ABCD3: variants seen among roughly 807,000 people sequenced by gnomAD.
ABCD3 encodes ATP-binding cassette sub-family D member 3.
Under a neutral mutation model 105.5 loss-of-function variants are expected in ABCD3, and 41 were observed. The ratio of observed to expected loss-of-function variants is 0.39; its 90% confidence interval spans 0.30 to 0.50. The LOEUF (loss-of-function observed/expected upper bound fraction) is 0.50, where lower values mean the gene tolerates loss of function less well. Ranked by LOEUF, ABCD3 falls within the 20% of genes least tolerant of loss-of-function variation. The probability of loss-of-function intolerance (pLI) is 0.84; values close to 1 mark genes in which losing one functional copy is unlikely to be tolerated. For missense variants in ABCD3, 622 were observed against 806.3 expected (o/e 0.77, Z 2.77); for synonymous variants, 258 against 269.0 (o/e 0.96, Z 0.40).
rs1570812231 is a variant in ABCD3 at position 94,491,227 on chromosome 1, A to G, written c.1366A>G (p.Ile456Val). The G allele has an allele frequency of 6.2e-7, 1 of 1,612,074 alleles. No individual in the cohort carries two copies. Among genetic ancestry groups the G allele is most frequent in the Non-Finnish European group, 8.5e-7 (1 of 1,178,528 alleles). The stretch of plus-strand genomic sequence containing the variant: ...AGCAACGCCAAATGGAGATGTTTTG[A>G]TCCGAGACCTTAATTTTGAAGTAAG... ...PLATPNGDVL[I>V]RDLNFEVRSG... The change falls in exon 16 of 23, where the codon ATC (isoleucine) becomes GTC (valine). Residue 456 changes from isoleucine (I) to valine (V), a missense_variant. This residue lies in a region of ABCD3 where 285 missense variants were observed against 352.5 expected (regional missense o/e 0.81). Coordinates refer to ENST00000370214, the MANE Select transcript of ABCD3 (RefSeq NM_002858.4).
the ABCD3 span, among the ~76,000 whole-genome samples, chr1:94,406,235 A>G: frequency 6.7e-6 from 1 of 150,262 alleles, no homozygotes; most frequent in Non-Finnish European, 1.5e-5. Flanking sequence ...CTAAATTTTT[A>G]TATGCACTTG....
intron 22 of ABCD3, among the ~76,000 whole-genome samples, chr1:94,516,211 A>G (rs1441244905): frequency 5.3e-5 from 8 of 151,986 alleles, no homozygotes; most frequent in Non-Finnish European, 7.4e-5. Context: ...CCTTTGTATA[A>G]TGAAGTTATT....
intron 2 of ABCD3, among the ~76,000 whole-genome samples, chr1:94,461,919 C>T (rs1647890746): frequency 6.6e-6 from 1 of 152,014 alleles, no homozygotes; most frequent in African/African-American, 2.4e-5. Context: ...TTCACTTTTC[C>T]CTACAATGTA....
At chr1:94,410,297 G>A in the ABCD3 span, among the ~76,000 whole-genome samples, 7 of 152,076 alleles carry the variant, frequency 4.6e-5, no homozygotes, top group African/African-American at 1.7e-4. Context: ...GGTCCTTGTG[G>A]TTATTATTAT....
the ABCD3 span, among the ~76,000 whole-genome samples, chr1:94,385,580 G>T: frequency 4.6e-5 from 7 of 152,192 alleles, no homozygotes; most frequent in Non-Finnish European, 1.0e-4. Flanking sequence ...CATGCACCTG[G>T]TGGTACAGAG....
At chr1:94,487,388 G>A (rs1482118445) in intron 10 of ABCD3, among the ~76,000 whole-genome samples, 154 bp from the exon 11 acceptor site, 1 of 152,184 alleles carries the variant, frequency 6.6e-6, no homozygotes, top group African/African-American at 2.4e-5. Flanking sequence ...CCTCGGTGGT[G>A]TGATGTACAA....
At chr1:94,477,911 T>C (rs2101001728) in intron 7 of ABCD3, among the ~76,000 whole-genome samples, 1 of 152,310 alleles carries the variant, frequency 6.6e-6, no homozygotes, top group South Asian at 2.1e-4. Flanking sequence ...TCTCAGGTCA[T>C]TTTATTCAGT....
At chr1:94,393,363 G>T in the ABCD3 span, among the ~76,000 whole-genome samples, 3 of 151,980 alleles carry the variant, frequency 2.0e-5, no homozygotes, top group Non-Finnish European at 2.9e-5. Context: ...TGTGGGTTGG[G>T]CATGGTAGCT....
At chr1:94,440,980 A>G (rs1159036140) in intron 1 of ABCD3, among the ~76,000 whole-genome samples, 1 of 152,238 alleles carries the variant, frequency 6.6e-6, no homozygotes. Context: ...ATCTCATACC[A>G]TATGTAAGGA....
At chr1:94,399,754 C>A in the ABCD3 span, among the ~76,000 whole-genome samples, 1 of 152,218 alleles carries the variant, frequency 6.6e-6, no homozygotes, top group Non-Finnish European at 1.5e-5. Context: ...TCACTTCTGA[C>A]CTCAGATGCC....
chr1:94,515,913 C>A lies in ABCD3; in HGVS notation c.1902+711C>A, dbSNP rs1650899171. ...CCCTCTTTCCTTTCTTCTCTTCTTT[C>A]CTTCTTTTCCTTCCTAAATGATATA... On this transcript the variant is annotated intron_variant, in intron 22 of 22. Transcript: ENST00000370214. Among the ~76,000 whole-genome samples the A allele has an allele frequency of 2.1e-5, 3 of 144,506 alleles. No homozygotes were observed. In the Admixed American group the frequency reaches 2.1e-4, roughly 10 times the overall value. 94.8% of individuals were successfully genotyped at this position (144,506 alleles called of 152,430 possible).
chr1:94,421,561 G>GGT (rs1553167233), intron 1 of ABCD3, among the ~76,000 whole-genome samples: 2 of 76,410 alleles, frequency 2.6e-5, no homozygotes, highest in Non-Finnish European at 6.6e-5. Context: ...GGAGCTATAA[G>GGT]ATGTGTGTGT....
At chr1:94,442,488 T>C (rs1660169540) in intron 1 of ABCD3, among the ~76,000 whole-genome samples, 1 of 152,176 alleles carries the variant, frequency 6.6e-6, no homozygotes, top group Admixed American at 6.5e-5. Context: ...ATGGTTTAAA[T>C]ATATTTAGGA....
intron 1 of ABCD3, among the ~76,000 whole-genome samples, chr1:94,420,620 A>C (rs1659222666): frequency 6.6e-6 from 1 of 152,116 alleles, no homozygotes; most frequent in African/African-American, 2.4e-5. Context: ...ATGAAGTTTA[A>C]ATTGTTGAGG....
intron 16 of ABCD3, among the ~76,000 whole-genome samples, chr1:94,493,623 G>A (rs1164425118): frequency 6.6e-6 from 1 of 151,170 alleles, no homozygotes; most frequent in Admixed American, 6.6e-5. Context: ...AAATCATGCT[G>A]CTATAAAGAC....
At chr1:94,388,906 A>T in the ABCD3 span, among the ~76,000 whole-genome samples, 1 of 152,130 alleles carries the variant, frequency 6.6e-6, no homozygotes, top group East Asian at 1.9e-4. Flanking sequence ...TCCCACCAAG[A>T]CCTTCTGAGG....
At chr1:94,475,033 A>T in intron 5 of ABCD3, 110 bp from the exon 6 acceptor site, 2 of 745,296 alleles carry the variant, frequency 2.7e-6, no homozygotes, top group South Asian at 3.3e-5. Flanking sequence ...ATTTGGACTA[A>T]ATTATAAAAA....
upstream of ABCD3, among the ~76,000 whole-genome samples, chr1:94,415,552 A>G (rs944346542): frequency 6.6e-6 from 1 of 152,246 alleles, no homozygotes; most frequent in Non-Finnish European, 1.5e-5. Flanking sequence ...CTGAGATTCT[A>G]TCAGTGAGAA....
chr1:94,499,391 TACAG>T, intron 19 of ABCD3, 100 bp from the exon 20 acceptor site: 6 of 1,264,234 alleles, frequency 4.7e-6, no homozygotes, highest in Non-Finnish European at 6.8e-6. Context: ...TTTTAAGTGG[TACAG>T]ACAATAGAAT....
Sources: allele counts gnomAD v4.1 joint callset (sites outside exome capture counted in the v4.1 genomes callset), GRCh38; gene constraint gnomAD v4.1.1; regional missense constraint gnomAD v4.1.1; transcripts MANE v1.5; gene names NCBI Gene and HGNC (gene_info 2026-07-23, HGNC 2026-07-21).